CFAP77: variants seen among roughly 807,000 people sequenced by gnomAD.
The protein encoded by CFAP77 is cilia and flagella associated protein 77, also known as cilia- and flagella-associated protein 77.
A neutral mutation model predicts 31.1 loss-of-function variants in CFAP77; 25 were observed. The ratio of observed to expected loss-of-function variants is 0.80; its 90% CI spans 0.59 to 1.12. The LOEUF is 1.12. Ranked by LOEUF, CFAP77 falls within the 50% of genes most tolerant of loss-of-function variation. CFAP77 has a pLI of 0.00. For synonymous variants in CFAP77, 151 were observed against 159.9 expected, an observed-to-expected ratio of 0.94 and a Z score of 0.42; for missense variants, 377 against 397.3, an observed-to-expected ratio of 0.95 and a Z score of 0.44.
At chr9:132,443,330 C>T (rs903570703) in intron 1 of CFAP77, among the ~76,000 whole-genome samples, 10 of 151,318 alleles carry the variant, frequency 6.6e-5, no homozygotes, top group African/African-American at 9.7e-5. Flanking sequence ...CTCGGCTCAC[C>T]GCAATCTCCG....
intron 1 of CFAP77, among the ~76,000 whole-genome samples, chr9:132,436,335 C>G (rs1038745876): frequency 2.0e-5 from 3 of 152,122 alleles, no homozygotes; most frequent in Non-Finnish European, 4.4e-5. Context: ...TTCTCTCTTA[C>G]GAGGGCACTT....
At chr9:132,477,350 G>A (rs1270070608) in intron 1 of CFAP77, among the ~76,000 whole-genome samples, 4 of 151,478 alleles carry the variant, frequency 2.6e-5, no homozygotes, top group Admixed American at 6.6e-5. Context: ...AGAACTACAG[G>A]CCCTGGAGAC....
At chr9:132,558,710 T>TAAAG (rs1424003166) in intron 5 of CFAP77, among the ~76,000 whole-genome samples, 3 of 140,502 alleles carry the variant, frequency 2.1e-5, no homozygotes, top group African/African-American at 8.1e-5. Flanking sequence ...TGTCTCAAAA[T>TAAAG]AAATAAATAA....
chr9:132,426,953 G>A (rs1850328335), intron 1 of CFAP77, among the ~76,000 whole-genome samples: 1 of 152,182 alleles, frequency 6.6e-6, no homozygotes, highest in Non-Finnish European at 1.5e-5. Flanking sequence ...AAGAGAAGAT[G>A]GATCTCAGCC....
intron 1 of CFAP77, among the ~76,000 whole-genome samples, chr9:132,488,021 C>T (rs1284546407): frequency 1.3e-5 from 2 of 152,142 alleles, no homozygotes; most frequent in Admixed American, 6.5e-5. Context: ...TAGCTATATA[C>T]AGATATTTAT....
chr9:132,479,308 G>A (rs2118898761), intron 1 of CFAP77, among the ~76,000 whole-genome samples: 2 of 152,212 alleles, frequency 1.3e-5, no homozygotes, highest in African/African-American at 4.8e-5. Context: ...GTACCCTCAG[G>A]GAGCTCAGAC....
At chr9:132,469,633 CA>C (rs777838917) in intron 1 of CFAP77, among the ~76,000 whole-genome samples, 1 of 151,806 alleles carries the variant, frequency 6.6e-6, no homozygotes, top group Non-Finnish European at 1.5e-5. Context: ...CATTCTCTTT[CA>C]AAAAAAGTAT....
chr9:132,531,629 G>GGC (rs1564242815), intron 3 of CFAP77, among the ~76,000 whole-genome samples: 1 of 148,960 alleles, frequency 6.7e-6, no homozygotes, highest in African/African-American at 2.5e-5. Flanking sequence ...AAGACATGGG[G>GGC]GGGGGGGCAT....
rs1323204080 is a variant in CFAP77 at position 132,424,884 on chromosome 9, C to T, written c.195+14418C>T. Among the ~76,000 whole-genome samples the T allele has an allele frequency of 6.6e-6, 1 of 152,182 alleles. No individual in the cohort carries two copies. The highest frequency in any genetic ancestry group is 1.5e-5 in the Non-Finnish European group (1 of 68,036). ...CTCCTCCTCTCCCAAACACGGCTCC[C>T]TTCTTCTCCCCACCTCCCTAATCAG... On this transcript the variant is annotated intron_variant, in intron 1 of 5. Coordinates refer to ENST00000393216, the MANE Select transcript of CFAP77 (RefSeq NM_001282957.2). The surrounding 1 kb of genome is among the most constrained non-coding windows in gnomAD (Gnocchi z 4.1).
At chr9:132,550,717 T>C (rs1480653668) in intron 5 of CFAP77, among the ~76,000 whole-genome samples, 1 of 151,950 alleles carries the variant, frequency 6.6e-6, no homozygotes, top group African/African-American at 2.4e-5. Context: ...GGTCTCACTA[T>C]GTTGCCCAGG....
In CFAP77 at chr9:132,501,278, C is replaced by T. The variant is rs1248287442; in HGVS notation, c.524+1678C>T. Among the ~76,000 whole-genome samples, 2 of 152,216 alleles carry T rather than the reference C, an allele frequency of 1.3e-5. No homozygotes were observed. Among genetic ancestry groups the T allele is most frequent in the African/African-American group, 4.8e-5 (2 of 41,456 alleles). ...ATTCTCTGAGAAGCTTCTTCCTCAC[C>T]TGCAAATGGCCAGCAGCAGTTCTAT... On this transcript the variant is annotated intron_variant, in intron 3 of 5. Transcript: ENST00000393216. This position sits in a 1 kb window ranked among gnomAD's most constrained non-coding sequence, Gnocchi z 4.6.
At chr9:132,547,858 C>T (rs2119075602) in intron 5 of CFAP77, among the ~76,000 whole-genome samples, 1 of 152,326 alleles carries the variant, frequency 6.6e-6, no homozygotes, top group South Asian at 2.1e-4. Context: ...CCTCAGGGCT[C>T]TCCAGGCAGG....
At chr9:132,544,796 A>C (rs959457108) in intron 5 of CFAP77, among the ~76,000 whole-genome samples, 1 of 151,652 alleles carries the variant, frequency 6.6e-6, no homozygotes. Flanking sequence ...ATGCTCAGCT[A>C]CCTCCCTGCT....
chr9:132,431,690 A>G (rs1850414116), intron 1 of CFAP77, among the ~76,000 whole-genome samples: 1 of 152,228 alleles, frequency 6.6e-6, no homozygotes, highest in Non-Finnish European at 1.5e-5. Context: ...GAGAAAAAAG[A>G]CTGAAAAAAG....
rs1851774467 is a variant in CFAP77, at chr9:132,498,054, T to C, written c.196-641T>C. On this transcript the variant is annotated intron_variant, in intron 1 of 5. Transcript: ENST00000393216. This position sits in a 1 kb window ranked among gnomAD's most constrained non-coding sequence, Gnocchi z 4.2. ...GTGGTGGCGGCAGGGTGGGGGCGGC[T>C]AATGTGGTTGATGACAGGGCAATTT... 6.6e-6 allele frequency among the ~76,000 whole-genome samples: 1 copy of C among 152,008 alleles called. No individual in the cohort carries two copies. The highest frequency in any genetic ancestry group is 2.4e-5 in the African/African-American group (1 of 41,368).
chr9:132,538,709 CG>C (rs1852588151), intron 4 of CFAP77, among the ~76,000 whole-genome samples: 1 of 151,960 alleles, frequency 6.6e-6, no homozygotes, highest in Non-Finnish European at 1.5e-5. Context: ...ACCTGGGAGG[CG>C]GAGGTTGCAG....
At chr9:132,492,866 C>T (rs888806468) in intron 1 of CFAP77, among the ~76,000 whole-genome samples, 4 of 152,256 alleles carry the variant, frequency 2.6e-5, no homozygotes, top group South Asian at 2.1e-4. Flanking sequence ...TGAGACACAC[C>T]GTACTTGCAC....
At chr9:132,513,159 A>T (rs191311740) in intron 3 of CFAP77, 376 of 1,285,630 alleles carry the variant, frequency 2.9e-4, no homozygotes, top group Non-Finnish European at 2.7e-4. Context: ...ACACAATCCA[A>T]TTCTACTCTT....
At chr9:132,510,815 A>G (rs1852023483) in intron 3 of CFAP77, among the ~76,000 whole-genome samples, 1 of 152,198 alleles carries the variant, frequency 6.6e-6, no homozygotes, top group Non-Finnish European at 1.5e-5. Context: ...TTTGATGAAT[A>G]ATAGTGCCAG....
Sources: gnomAD v4.1 joint callset for allele counts (sites outside exome capture counted in the v4.1 genomes callset) on GRCh38, gnomAD v4.1.1 for gene constraint, Gnocchi (gnomAD v3.1) non-coding constraint, MANE v1.5 for transcripts, NCBI Gene and HGNC (gene_info 2026-07-23, HGNC 2026-07-21) for gene names.